The following ANKFN1 variants were observed in gnomAD, a reference collection of about 807,000 sequenced individuals.
ANKFN1 encodes the protein ankyrin repeat and fibronectin type III domain containing 1.
Under a neutral mutation model 108.7 loss-of-function variants are expected in ANKFN1, and 74 were observed. The ratio of observed to expected loss-of-function variants is 0.68; its 90% CI spans 0.56 to 0.83. The LOEUF (loss-of-function observed/expected upper bound fraction) is 0.83, where lower values mean the gene tolerates loss of function less well. ANKFN1 is among the 40% of genes least tolerant of loss of function. The pLI is 0.00. For missense variants in ANKFN1, 1,505 were observed against 1,382.3 expected (o/e 1.09, Z -1.41); for synonymous variants, 547 against 516.2 (o/e 1.06, Z -0.81).
chr17:56,373,811 G>C (rs1254475062), intron 7 of ANKFN1, among the ~76,000 whole-genome samples: 1 of 152,184 alleles, frequency 6.6e-6, no homozygotes, highest in Non-Finnish European at 1.5e-5. Context: ...AAATGCATTT[G>C]CTATTATGCC....
chr17:56,162,254 T>A (rs1418625545), intron 1 of ANKFN1, among the ~76,000 whole-genome samples: 3 of 152,232 alleles, frequency 2.0e-5, no homozygotes, highest in Non-Finnish European at 1.5e-5. Context: ...TATGCATCTA[T>A]GTTTATTTGC....
intron 8 of ANKFN1, among the ~76,000 whole-genome samples, chr17:56,399,843 T>TATATATATATA (rs1555645720): frequency 1.5e-5 from 1 of 64,762 alleles, no homozygotes; most frequent in African/African-American, 3.0e-5. Context: ...ATTCCATTTT[T>TATATATATATA]TATATATATA....
intron 4 of ANKFN1, among the ~76,000 whole-genome samples, chr17:56,097,043 A>G (rs1054682960): frequency 6.6e-6 from 1 of 152,204 alleles, no homozygotes; most frequent in African/African-American, 2.4e-5. Context: ...ATACTCGATT[A>G]TAAGTGGGAG....
chr17:56,238,937 G>A (rs1567857235), intron 3 of ANKFN1, among the ~76,000 whole-genome samples: 1 of 152,068 alleles, frequency 6.6e-6, no homozygotes, highest in East Asian at 1.9e-4. Context: ...ATATTAAGTT[G>A]ATTTTTTTTC....
chr17:56,355,911 A>G (rs2046363730), intron 6 of ANKFN1, among the ~76,000 whole-genome samples: 1 of 152,158 alleles, frequency 6.6e-6, no homozygotes, highest in South Asian at 2.1e-4. Flanking sequence ...TTGCCCTGAA[A>G]AGAAACATCA....
At chr17:56,345,799 G>A (rs558859962) in intron 4 of ANKFN1, among the ~76,000 whole-genome samples, 49 of 152,232 alleles carry the variant, frequency 3.2e-4, no homozygotes, top group African/African-American at 1.1e-3. Flanking sequence ...ACCTTTGTCA[G>A]AGGGGCAGAT....
At chr17:56,469,182 C>T (rs1247400412) in intron 15 of ANKFN1, among the ~76,000 whole-genome samples, 1 of 152,048 alleles carries the variant, frequency 6.6e-6, no homozygotes, top group Non-Finnish European at 1.5e-5. Flanking sequence ...AAATTTACCC[C>T]CGCTGACTGG....
chr17:56,320,604 T>C (rs1383299345), intron 3 of ANKFN1, among the ~76,000 whole-genome samples: 1 of 152,040 alleles, frequency 6.6e-6, no homozygotes, highest in Non-Finnish European at 1.5e-5. Context: ...AGGGGATTCA[T>C]AGCTTGAGAA....
At chr17:56,160,345 T>G (rs548741148) in intron 1 of ANKFN1, among the ~76,000 whole-genome samples, 121 of 152,346 alleles carry the variant, frequency 7.9e-4, no homozygotes, top group African/African-American at 2.8e-3. Flanking sequence ...AGGAAAGTAA[T>G]GTAGGATCAG....
chr17:56,170,091 G>A (rs1479314090), intron 1 of ANKFN1, among the ~76,000 whole-genome samples: 1 of 152,158 alleles, frequency 6.6e-6, no homozygotes, highest in Admixed American at 6.5e-5. Context: ...CTAAGACTGA[G>A]GGATTCATTC....
intron 1 of ANKFN1, among the ~76,000 whole-genome samples, chr17:56,173,700 G>A (rs907225770): frequency 6.6e-6 from 1 of 151,974 alleles, no homozygotes; most frequent in African/African-American, 2.4e-5. Flanking sequence ...GGCCTCAAGC[G>A]TTCCTCCCAC....
Position 56,143,286 on chromosome 17 carries a change from AG to A in ANKFN1, c.289-84628del, listed in dbSNP as rs140341198. Reference sequence around the variant, plus strand: ...GGTGGAGAGGATGGTTGAGCACAGAAGGGATTCCAGGATCCTGCCAACACTC... The same window carrying A: ...GGTGGAGAGGATGGTTGAGCACAGAAGGATTCCAGGATCCTGCCAACACTC... On this transcript the variant is annotated intron_variant, in intron 4 of 12. Transcript: ENST00000635860. Among the ~76,000 whole-genome samples, 10 of 152,280 alleles carry A rather than the reference AG, an allele frequency of 6.6e-5. No individual in the cohort carries two copies. The East Asian group carries it at 1.9e-3, about 29-fold the overall frequency.
chr17:56,486,965 G>A lies in ANKFN1; in HGVS notation c.2260+4441G>A, dbSNP rs550426676. Among the ~76,000 whole-genome samples, 27 of 152,286 alleles carry A rather than the reference G, an allele frequency of 1.8e-4. 1 individual carries two copies. The South Asian group carries it at 5.6e-3, about 32-fold the overall frequency. ...CATAAATAACTTGCTAACCAGCTAT[G>A]GAAACTGCATCTGTGCCTATTCCAG... On this transcript the variant is annotated intron_variant, in intron 18 of 20. Coordinates refer to ENST00000682825, the MANE Select transcript of ANKFN1 (RefSeq NM_001370326.1).
At position 56,285,835 on chromosome 17, in the gene ANKFN1, A is replaced by AATGATG. The variant is rs57493010; in HGVS notation, c.54-40353_54-40348dup. ...CCTGTTGTTGGCCAGCCTGTCAGAC[A>AATGATG]ATGATGATGATGATGATGATGATGA... On this transcript the variant is annotated intron_variant, in intron 3 of 20. Transcript: ENST00000682825. Among the ~76,000 whole-genome samples the AATGATG allele has an allele frequency of 3.0e-4, 45 of 150,250 alleles. 1 individual carries two copies. The highest frequency in any genetic ancestry group is 1.2e-3 in the East Asian group (6 of 5,096).
intron 19 of ANKFN1, among the ~76,000 whole-genome samples, chr17:56,494,163 A>G (rs2051124088): frequency 6.6e-6 from 1 of 152,184 alleles, no homozygotes; most frequent in Non-Finnish European, 1.5e-5. Context: ...CAAAGTGGAG[A>G]GCAGAAAAAT....
chr17:56,152,260 A>ATGTGTG (rs747513318), upstream of ANKFN1, among the ~76,000 whole-genome samples: 1,445 of 128,554 alleles, frequency 0.011, 10 homozygotes, highest in East Asian at 0.034. Context: ...ATATATATAT[A>ATGTGTG]TATGTGTGTG....
intron 8 of ANKFN1, among the ~76,000 whole-genome samples, chr17:56,432,659 G>T (rs2048797652): frequency 6.6e-6 from 1 of 152,184 alleles, no homozygotes. Context: ...AAGAGCTAAT[G>T]CAGGGAACCT....
intron 4 of ANKFN1, among the ~76,000 whole-genome samples, chr17:56,070,199 A>G (rs949403710): frequency 6.6e-6 from 1 of 152,020 alleles, no homozygotes; most frequent in Non-Finnish European, 1.5e-5. Context: ...CCTCACCCCT[A>G]CTCAACATGG....
At chr17:56,088,847 A>G (rs1178877892) in intron 4 of ANKFN1, among the ~76,000 whole-genome samples, 8 of 151,426 alleles carry the variant, frequency 5.3e-5, no homozygotes, top group African/African-American at 1.9e-4. Context: ...TCACAAGGCT[A>G]ATAGCTTCTT....
Sources: allele counts gnomAD v4.1 joint callset (sites outside exome capture counted in the v4.1 genomes callset), GRCh38; gene constraint gnomAD v4.1.1; transcripts MANE v1.5; gene names NCBI Gene and HGNC (gene_info 2026-07-23, HGNC 2026-07-21).